Variants in LMNB2 observed in about 807,000 individuals in gnomAD.
The protein encoded by LMNB2 is lamin-B2.
In LMNB2, 17 loss-of-function variants were observed where a neutral mutation model predicts 69.3. The ratio of observed to expected loss-of-function variants is 0.25; its 90% confidence interval spans 0.17 to 0.37. The LOEUF (loss-of-function observed/expected upper bound fraction) is 0.37, where lower values mean the gene tolerates loss of function less well. Ranked by LOEUF, LMNB2 falls within the 10% of genes least tolerant of loss-of-function variation. LMNB2 has a pLI of 1.00. For missense variants in LMNB2, 789 were observed against 883.6 expected, an observed-to-expected ratio of 0.89 and a Z score of 1.36; for synonymous variants, 397 against 389.3, an observed-to-expected ratio of 1.02 and a Z score of -0.23.
chr19:2,429,611 T>C lies in LMNB2; in HGVS notation c.*1300A>G, dbSNP rs1175679853. On this transcript the variant is annotated 3_prime_UTR_variant, in exon 12 of 12. Transcript: ENST00000325327. ...AACGCCATGGCCCGGAGACGGCGCG[T>C]GCCCATGGCTCAGTTTTGGTGTCTT... 6.6e-6 allele frequency: 1 copy of C among 152,176 alleles called. No individual in the cohort carries two copies. Among genetic ancestry groups the C allele is most frequent in the Non-Finnish European group, 1.5e-5 (1 of 68,056 alleles). 9.4% of individuals were successfully genotyped at this position (152,176 alleles called of 1,614,324 possible).
chr19:2,444,321 G>A (rs1029431437), intron 2 of LMNB2, 83 bp downstream of exon 2: 12 of 1,522,064 alleles, frequency 7.9e-6, no homozygotes, highest in East Asian at 2.3e-5. Flanking sequence ...AGCATGCCCC[G>A]CACGAGCCCA....
Position 2,435,070 on chromosome 19 carries a change from C to T in LMNB2, c.786G>A (p.Glu262=), listed in dbSNP as rs1303093205. 1.2e-6 allele frequency: 2 copies of T among 1,610,872 alleles called. No individual in the cohort carries two copies. The highest frequency in any genetic ancestry group is 1.7e-6 in the Non-Finnish European group (2 of 1,179,754). The change falls in exon 5 of 12, where the codon GAG becomes GAA. Residue 262 remains glutamate (E), a synonymous_variant. Transcript: ENST00000325327. Reference sequence around the variant, plus strand: ...CTTGCTCGTCGTGCTGGCTCCGCAGCTCCTCCAGCGCCTGTGCCATCTTGA... The same window carrying T: ...CTTGCTCGTCGTGCTGGCTCCGCAGTTCCTCCAGCGCCTGTGCCATCTTGA... ...YDFKMAQALE[E]LRSQHDEQVR...
At chr19:2,436,381 AAAAACAAAACAAAAC>A (rs370520046) in intron 4 of LMNB2, among the ~76,000 whole-genome samples, 6 of 151,572 alleles carry the variant, frequency 4.0e-5, no homozygotes, top group Non-Finnish European at 7.4e-5. Context: ...ACTCCATCTC[AAAAACAAAACAAAAC>A]AAAACAAAAC....
intron 9 of LMNB2, 56 bp downstream of exon 9, chr19:2,432,360 G>T: frequency 9.0e-7 from 1 of 1,112,500 alleles, no homozygotes; most frequent in Non-Finnish European, 1.3e-6. Context: ...CCAGTCCCCT[G>T]ACCCCACCTC....
chr19:2,437,326 C>T (rs906403787), intron 4 of LMNB2, among the ~76,000 whole-genome samples: 2 of 152,254 alleles, frequency 1.3e-5, no homozygotes, highest in African/African-American at 2.4e-5. Context: ...GCGGGCCTCA[C>T]CCTCGCTTTG....
intron 7 of LMNB2, 59 bp from the exon 8 acceptor site, chr19:2,434,164 C>T (rs1599331629): frequency 9.7e-6 from 15 of 1,553,084 alleles, no homozygotes; most frequent in South Asian, 3.5e-5. Flanking sequence ...GCCCAGGGCA[C>T]GCAGAGTGGC....
rs577848864 is a variant in LMNB2, at chr19:2,434,074, C to T, written c.1234G>A (p.Val412Ile). The change falls in exon 8 of 12, where the codon GTC (valine) becomes ATC (isoleucine). Residue 412 changes from valine (V) to isoleucine (I), a missense_variant. This residue lies in a region of LMNB2 where 609 missense variants were observed against 630.9 expected (regional missense o/e 0.97). Coordinates refer to ENST00000325327, the MANE Select transcript of LMNB2 (RefSeq NM_032737.4). ...LKLSPSPSSRVTVSRATSSSS... is the reference protein window; with the variant it reads ...LKLSPSPSSRITVSRATSSSS... Reference sequence around the variant, plus strand: ...CTCGAGGTGGCTCGTGAGACGGTGACGCGCGAGGATGGGCTGGGGGACAGC... The same window carrying T: ...CTCGAGGTGGCTCGTGAGACGGTGATGCGCGAGGATGGGCTGGGGGACAGC... 132 of 1,594,956 alleles carry T rather than the reference C, an allele frequency of 8.3e-5. No individual in the cohort carries two copies. Among genetic ancestry groups the T allele is most frequent in the South Asian group, 4.9e-4 (44 of 89,392 alleles).
intron 1 of LMNB2, among the ~76,000 whole-genome samples, chr19:2,454,292 C>CAAAAAAAAAAAAA (rs58800585): frequency 1.2e-5 from 1 of 80,986 alleles, no homozygotes. Context: ...GACTCTATCT[C>CAAAAAAAAAAAAA]AAAAAAAAAA....
intron 1 of LMNB2, among the ~76,000 whole-genome samples, chr19:2,452,413 G>A (rs1052306053): frequency 6.6e-6 from 1 of 151,092 alleles, no homozygotes; most frequent in African/African-American, 2.4e-5. Flanking sequence ...CAGCCTGGGC[G>A]ACAGAGAGAG....
chr19:2,441,097 C>A (rs928678299), intron 2 of LMNB2, among the ~76,000 whole-genome samples: 2 of 152,274 alleles, frequency 1.3e-5, no homozygotes, highest in African/African-American at 4.8e-5. Context: ...GACAGGCATA[C>A]CCTGGACACA....
intron 1 of LMNB2, among the ~76,000 whole-genome samples, chr19:2,445,964 C>T (rs1393955153): frequency 2.7e-5 from 2 of 74,894 alleles, no homozygotes; most frequent in African/African-American, 6.1e-5. Flanking sequence ...ACCTTTCACC[C>T]GTCGATCACA....
At chr19:2,442,365 G>A (rs1971908268) in intron 2 of LMNB2, among the ~76,000 whole-genome samples, 7 of 152,154 alleles carry the variant, frequency 4.6e-5, no homozygotes, top group Admixed American at 4.6e-4. Flanking sequence ...GCCAAGGCGG[G>A]TGGATCGCTT....
At chr19:2,441,008 G>A (rs958408657) in intron 2 of LMNB2, among the ~76,000 whole-genome samples, 10 of 152,200 alleles carry the variant, frequency 6.6e-5, no homozygotes, top group Non-Finnish European at 1.5e-4. Flanking sequence ...GTTTCCTATC[G>A]CTGTGCTGAA....
At chr19:2,439,237 C>T (rs933298044) in intron 2 of LMNB2, among the ~76,000 whole-genome samples, 1 of 151,860 alleles carries the variant, frequency 6.6e-6, no homozygotes, top group Admixed American at 6.6e-5. Context: ...AATTTTACCC[C>T]CTCCCGACAG....
intron 9 of LMNB2, 142 bp downstream of exon 9, chr19:2,432,274 A>C: frequency 1.3e-6 from 1 of 743,656 alleles, no homozygotes; most frequent in Non-Finnish European, 2.3e-6. Context: ...TGGAGGTTCT[A>C]TGACTGCGGC....
Position 2,447,597 on chromosome 19 carries a change from G to A in LMNB2, c.265-3057C>T, listed in dbSNP as rs1971970872. ...GCTCCGGCTCTGGCGCTGAGGAAAA[G>A]GAGGACCGGAGGATGGTAGGCGGAA... On this transcript the variant is annotated intron_variant, in intron 1 of 11. Transcript: ENST00000325327. This position sits in a 1 kb window ranked among gnomAD's most constrained non-coding sequence, Gnocchi z 4.4. Among the ~76,000 whole-genome samples the A allele has an allele frequency of 6.6e-6, 1 of 152,222 alleles. No individual in the cohort carries two copies. Among genetic ancestry groups the A allele is most frequent in the Admixed American group, 6.5e-5 (1 of 15,284 alleles).
chr19:2,456,886 T>C lies in LMNB2; in HGVS notation c.48A>G (p.Arg16=). The C allele has an allele frequency of 1.9e-6, 2 of 1,074,928 alleles. No homozygotes were observed. Among genetic ancestry groups the C allele is most frequent in the Non-Finnish European group, 2.2e-6 (2 of 892,024 alleles). 66.6% of individuals were successfully genotyped at this position (1,074,928 alleles called of 1,614,324 possible). The change falls in exon 1 of 12, where the codon CGA becomes CGG. Residue 16 remains arginine, a synonymous_variant. Coordinates refer to ENST00000325327, the MANE Select transcript of LMNB2 (RefSeq NM_032737.4). ...GCGGCGTGGCCATGGTGGCGGCGGC[T>C]CGCGGCCTGCGCTGCTCCCGACGGC... ...PGRRREQRRP[R]AAATMATPLP...
chr19:2,455,306 T>C lies in LMNB2; in HGVS notation c.264+1364A>G, dbSNP rs74254236. ...CCATCTTGGGCCTCCTCAGAGGGCC[T>C]GGGCCCCCCAGTCTCCTTGGAGCCC... On this transcript the variant is annotated intron_variant, in intron 1 of 11. Coordinates refer to ENST00000325327, the MANE Select transcript of LMNB2 (RefSeq NM_032737.4). Among the ~76,000 whole-genome samples the C allele has an allele frequency of 2.0e-3, 295 of 150,992 alleles. 7 individuals carry two copies. In the East Asian group the frequency reaches 0.045, roughly 23 times the overall value.
At position 2,438,263 on chromosome 19, in the gene LMNB2, T is replaced by C. The variant is rs1568203999; in HGVS notation, c.584A>G (p.Lys195Arg). ...AKAEDGHAVA[K>R]KQLEKETLMR... ...CAGCGTCTCCTTCTCCAGCTGCTTT[T>C]TGGCCACTGCATGACCGTCCTCGGC... Residue 195 changes from lysine (K) to arginine (R), a missense_variant, in exon 4 of 12, where the codon AAA becomes AGA. By Grantham distance (26) the Lys-to-Arg change is conservative (BLOSUM62 2). Around this residue, in one of 3 missense-constraint regions of LMNB2, gnomAD observed 609 missense variants for 630.9 expected, o/e 0.97. Transcript: ENST00000325327. The C allele has an allele frequency of 6.2e-7, 1 of 1,614,080 alleles. No homozygotes were observed. Among genetic ancestry groups the C allele is most frequent in the Non-Finnish European group, 8.5e-7 (1 of 1,180,038 alleles).
Sources: gnomAD v4.1 joint callset for allele counts (sites outside exome capture counted in the v4.1 genomes callset) on GRCh38, gnomAD v4.1.1 for gene constraint, gnomAD v4.1.1 regional missense constraint, Gnocchi (gnomAD v3.1) non-coding constraint, MANE v1.5 for transcripts, NCBI Gene and HGNC (gene_info 2026-07-23, HGNC 2026-07-21) for gene names.